The following TTC28 variants were observed in gnomAD, a reference collection of about 807,000 sequenced individuals.
The protein encoded by TTC28 is tetratricopeptide repeat protein 28.
TTC28 carries 61 observed loss-of-function variants against 198.0 expected under a neutral mutation model. That is an observed-to-expected ratio of 0.31 (90% CI 0.25 to 0.38). The LOEUF (loss-of-function observed/expected upper bound fraction) is 0.38. Ranked by LOEUF, TTC28 falls within the 10% of genes least tolerant of loss-of-function variation. The pLI, the probability that TTC28 is intolerant of heterozygous loss-of-function variation, is 1.00. For synonymous variants in TTC28, 1,171 were observed against 1,297.8 expected (o/e 0.90, Z 2.10); for missense variants, 2,678 against 3,164.0 (o/e 0.85, Z 3.69).
intron 2 of TTC28, among the ~76,000 whole-genome samples, chr22:28,418,637 A>G (rs992252229): frequency 2.0e-5 from 3 of 152,226 alleles, no homozygotes; most frequent in Admixed American, 6.5e-5. Context: ...ACAGAGAGAA[A>G]GAGTCTCTTA....
chr22:28,530,506 C>T (rs927202281), intron 2 of TTC28, among the ~76,000 whole-genome samples: 4 of 152,164 alleles, frequency 2.6e-5, no homozygotes, highest in Non-Finnish European at 4.4e-5. Context: ...TCCAGGAGAA[C>T]TTCCCCAACC....
chr22:28,386,767 T>C (rs1050276568), intron 2 of TTC28, among the ~76,000 whole-genome samples: 3 of 152,208 alleles, frequency 2.0e-5, no homozygotes, highest in African/African-American at 4.8e-5. Flanking sequence ...AGTGTTTCCT[T>C]GAGACATTTT....
At chr22:28,257,034 T>C (rs1007665179) in intron 5 of TTC28, among the ~76,000 whole-genome samples, 2 of 152,172 alleles carry the variant, frequency 1.3e-5, no homozygotes, top group African/African-American at 4.8e-5. Flanking sequence ...AGTGAGACCC[T>C]GTCTCTAAAA....
intron 5 of TTC28, among the ~76,000 whole-genome samples, chr22:28,270,568 T>C (rs1932000247): frequency 6.6e-6 from 1 of 152,188 alleles, no homozygotes; most frequent in Non-Finnish European, 1.5e-5. Flanking sequence ...AGCTTTAATA[T>C]GTACAGAGGT....
intron 12 of TTC28, among the ~76,000 whole-genome samples, chr22:28,038,716 G>A (rs111524989): frequency 3.9e-4 from 60 of 152,212 alleles, no homozygotes; most frequent in East Asian, 1.5e-3. Flanking sequence ...AGAAACTACC[G>A]TCAGAGTGAA....
At chr22:28,482,048 T>C (rs1601452305) in intron 2 of TTC28, among the ~76,000 whole-genome samples, 1 of 152,264 alleles carries the variant, frequency 6.6e-6, no homozygotes, top group South Asian at 2.1e-4. Flanking sequence ...TCCCTCATAT[T>C]ACATCAGGTT....
At chr22:28,623,213 A>C (rs2146190690) in intron 2 of TTC28, among the ~76,000 whole-genome samples, 1 of 152,264 alleles carries the variant, frequency 6.6e-6, no homozygotes, top group East Asian at 1.9e-4. Context: ...CAGCCTTCCA[A>C]GGAGCTGGGA....
intron 2 of TTC28, among the ~76,000 whole-genome samples, chr22:28,450,016 T>C (rs1224419282): frequency 4.6e-5 from 7 of 152,160 alleles, no homozygotes; most frequent in Non-Finnish European, 8.8e-5. Context: ...TGTTTAAGAC[T>C]TGTAGGATCT....
intron 2 of TTC28, among the ~76,000 whole-genome samples, chr22:28,420,533 T>C (rs1273355141): frequency 2.0e-5 from 3 of 150,464 alleles, no homozygotes; most frequent in Non-Finnish European, 4.4e-5. Flanking sequence ...GCAATCCTAA[T>C]TCTGCCTTTG....
chr22:28,075,405 A>G (rs925855332), intron 12 of TTC28, among the ~76,000 whole-genome samples: 5 of 152,016 alleles, frequency 3.3e-5, no homozygotes, highest in African/African-American at 1.2e-4. Flanking sequence ...TCAAGCAGAT[A>G]CAGCTGAGCC....
intron 1 of TTC28, among the ~76,000 whole-genome samples, chr22:28,658,114 T>C (rs900365213): frequency 3.3e-5 from 5 of 152,142 alleles, no homozygotes; most frequent in African/African-American, 4.8e-5. Context: ...TTAAAATACT[T>C]ATGCATCTGA....
At chr22:28,616,840 C>A (rs1397891728) in intron 2 of TTC28, among the ~76,000 whole-genome samples, 1 of 146,926 alleles carries the variant, frequency 6.8e-6, no homozygotes, top group Non-Finnish European at 1.5e-5. Flanking sequence ...GAGCAAGACC[C>A]TGTCTCAAAA....
chr22:28,502,774 T>C (rs1326140887), intron 2 of TTC28, among the ~76,000 whole-genome samples: 1 of 152,144 alleles, frequency 6.6e-6, no homozygotes, highest in Non-Finnish European at 1.5e-5. Context: ...ATTCTCCAAT[T>C]TTCACAAAAG....
chr22:28,165,704 G>A (rs1921851095), intron 5 of TTC28, among the ~76,000 whole-genome samples: 1 of 152,140 alleles, frequency 6.6e-6, no homozygotes, highest in East Asian at 1.9e-4. Context: ...GGAACAACTG[G>A]TACCAGCCAC....
chr22:28,096,469 A>C (rs1941978874), intron 10 of TTC28, 61 bp from the exon 11 acceptor site: 7 of 1,520,426 alleles, frequency 4.6e-6, no homozygotes, highest in Non-Finnish European at 5.3e-6. Context: ...AGAGAGGCCT[A>C]TCAGGGACGG....
At position 27,992,745 on chromosome 22, in the gene TTC28, C is replaced by T; in HGVS notation, c.5477-82G>A. ...TGCCACCTTCCCAGGGGAAAGAACC[C>T]TAAATCCTTGGCATCGGTGGCATTT... is the stretch of plus-strand genomic sequence containing the variant. On this transcript the variant is annotated intron_variant, in intron 18 of 22. Transcript: ENST00000397906. 5 of 1,372,520 alleles carry T rather than the reference C, an allele frequency of 3.6e-6. No homozygotes were observed. The South Asian group carries it at 6.6e-5, about 18-fold the overall frequency. 85.0% of individuals were successfully genotyped at this position (1,372,520 alleles called of 1,614,324 possible).
intron 2 of TTC28, among the ~76,000 whole-genome samples, chr22:28,553,788 G>A (rs769039489): frequency 6.6e-6 from 1 of 151,938 alleles, no homozygotes. Context: ...CACCCCGTCC[G>A]GGAGGTGAGG....
At position 28,108,060 on chromosome 22, in the gene TTC28, C is replaced by T; in HGVS notation, c.1785G>A (p.Arg595=). Residue 595 remains arginine, a synonymous_variant, in exon 7 of 23, where the codon CGG becomes CGA. Transcript: ENST00000397906. ...GGAAATTGCCCAGGTTGCTGAGGGCCCGGGCCTCGCTCTGGATGTCTCGTA... is the reference window on the plus strand; with the variant it reads ...GGAAATTGCCCAGGTTGCTGAGGGCTCGGGCCTCGCTCTGGATGTCTCGTA... The part of the protein sequence containing the change: ...RELRDIQSEA[R]ALSNLGNFHC... The T allele has an allele frequency of 1.3e-6, 2 of 1,551,586 alleles. No homozygotes were observed. Among genetic ancestry groups the T allele is most frequent in the Non-Finnish European group, 1.7e-6 (2 of 1,146,964 alleles).
At chr22:28,016,877 C>T (rs561133982) in intron 13 of TTC28, among the ~76,000 whole-genome samples, 1 of 152,336 alleles carries the variant, frequency 6.6e-6, no homozygotes, top group African/African-American at 2.4e-5. Flanking sequence ...CCCTGAGGAG[C>T]ACAAGATGTC....
Sources: allele counts gnomAD v4.1 joint callset (sites outside exome capture counted in the v4.1 genomes callset), GRCh38; gene constraint gnomAD v4.1.1; transcripts MANE v1.5; gene names NCBI Gene and HGNC (gene_info 2026-07-23, HGNC 2026-07-21).